Variants in EIF4E2 observed in about 807,000 individuals in gnomAD.
EIF4E2 encodes the protein eukaryotic translation initiation factor 4E family member 2, also known as eukaryotic translation initiation factor 4E type 2.
EIF4E2 carries 13 observed loss-of-function variants against 34.2 expected under a neutral mutation model. That is an observed-to-expected ratio of 0.38 (90% confidence interval 0.25 to 0.60). The LOEUF (loss-of-function observed/expected upper bound fraction) is 0.60, where lower values mean the gene tolerates loss of function less well. Among genes scored for constraint, EIF4E2 ranks in the 20% least tolerant of loss-of-function variants. EIF4E2 has a pLI of 0.62. For synonymous variants in EIF4E2, 100 were observed against 106.6 expected (o/e 0.94, Z 0.38); for missense variants, 222 against 315.1 (o/e 0.70, Z 2.24).
At chr2:232,578,064 A>G (rs1315109863) in intron 6 of EIF4E2, among the ~76,000 whole-genome samples, 1 of 152,178 alleles carries the variant, frequency 6.6e-6, no homozygotes, top group East Asian at 1.9e-4. Context: ...CAAATTTGGC[A>G]TCAAGCTGTT....
chr2:232,575,799 A>G lies in EIF4E2; in HGVS notation c.666-5105A>G, dbSNP rs540998864. On this transcript the variant is annotated intron_variant, in intron 6 of 6. Transcript: ENST00000409098. Reference sequence around the variant, plus strand: ...GTTAAATTTTCAGAAGCCAGGTGCTATAATGGAGCTGTTTTTAAAATACTA... The same window carrying G: ...GTTAAATTTTCAGAAGCCAGGTGCTGTAATGGAGCTGTTTTTAAAATACTA... Among the ~76,000 whole-genome samples the G allele has an allele frequency of 1.7e-4, 26 of 152,372 alleles. 1 individual carries two copies. Among genetic ancestry groups the G allele is most frequent in the African/African-American group, 6.0e-4 (25 of 41,588 alleles).
At chr2:232,560,434 T>A (rs1033053295) in intron 3 of EIF4E2, among the ~76,000 whole-genome samples, 2 of 152,234 alleles carry the variant, frequency 1.3e-5, no homozygotes, top group South Asian at 4.1e-4. Context: ...TGACCTTAGG[T>A]TAGGCAAAGC....
chr2:232,567,398 A>G, intron 6 of EIF4E2, 184 bp downstream of exon 6: 2 of 1,416,546 alleles, frequency 1.4e-6, no homozygotes, highest in Non-Finnish European at 1.8e-6. Flanking sequence ...CCTGCCACCT[A>G]TACTACCAGG....
chr2:232,567,127 C>T lies in EIF4E2; in HGVS notation c.578C>T (p.Thr193Ile). Residue 193 changes from threonine to isoleucine, a missense_variant, in exon 6 of 7, where the codon ACA becomes ATA. Thr to Ile is a moderately conservative substitution (Grantham distance 89). Coordinates refer to ENST00000258416, the MANE Select transcript of EIF4E2 (RefSeq NM_004846.4). ...WNKTASDQAT[T>I]ARIRDTLRRV... Reference sequence around the variant, plus strand: ...AAGACTGCCAGTGACCAAGCAACCACAGCCCGAATCCGGGACACACTTCGG... The same window carrying T: ...AAGACTGCCAGTGACCAAGCAACCATAGCCCGAATCCGGGACACACTTCGG... The T allele has an allele frequency of 6.2e-7, 1 of 1,614,248 alleles. No individual in the cohort carries two copies. The highest frequency in any genetic ancestry group is 8.5e-7 in the Non-Finnish European group (1 of 1,180,046).
chr2:232,565,833 C>T (rs1692904671), intron 4 of EIF4E2, among the ~76,000 whole-genome samples: 1 of 151,694 alleles, frequency 6.6e-6, no homozygotes, highest in African/African-American at 2.4e-5. Context: ...GTGGCTCACT[C>T]CTGTAATCCC....
At chr2:232,579,161 CACACA>C (rs1693288161) in intron 6 of EIF4E2, among the ~76,000 whole-genome samples, 1 of 129,944 alleles carries the variant, frequency 7.7e-6, no homozygotes, top group African/African-American at 3.0e-5. Flanking sequence ...CACACACACA[CACACA>C]CCAGTTATGC....
At chr2:232,551,729 A>G (rs1353075617) in intron 1 of EIF4E2, among the ~76,000 whole-genome samples, 1 of 152,218 alleles carries the variant, frequency 6.6e-6, no homozygotes, top group Non-Finnish European at 1.5e-5. Context: ...ATAAACGTAA[A>G]GTGGAATTAC....
intron 5 of EIF4E2, 38 bp from the exon 6 acceptor site, chr2:232,567,040 C>G: frequency 6.2e-7 from 1 of 1,604,326 alleles, no homozygotes; most frequent in East Asian, 2.2e-5. Flanking sequence ...CTCGCTGCCC[C>G]TGATTTGCTT....
At chr2:232,564,796 T>G (rs1174047140) in intron 4 of EIF4E2, among the ~76,000 whole-genome samples, 2 of 152,204 alleles carry the variant, frequency 1.3e-5, no homozygotes, top group Admixed American at 1.3e-4. Flanking sequence ...CACTCTCCAG[T>G]ATATCCTTGG....
rs376551025 is a variant in EIF4E2, at chr2:232,567,261, A to C, written c.665+47A>C. On this transcript the variant is annotated intron_variant, in intron 6 of 6. Coordinates refer to ENST00000258416, the MANE Select transcript of EIF4E2 (RefSeq NM_004846.4). ...GAGGACGTGTCCCTAAGCTTAGTAT[A>C]AGTAGATCTGTAGTTGGGCCCAGAG... 1.9e-6 allele frequency: 3 copies of C among 1,610,666 alleles called. No homozygotes were observed. The African/African-American group carries it at 4.0e-5, about 22-fold the overall frequency.
chr2:232,574,338 C>G (rs1394208723), intron 6 of EIF4E2: 2 of 1,550,554 alleles, frequency 1.3e-6, no homozygotes, highest in South Asian at 2.4e-5. Flanking sequence ...CTCTCACACT[C>G]AGGGTAGGGC....
rs1437872492 is a variant in EIF4E2, at chr2:232,564,535, C to T, written c.375+184C>T. ...GCGCGATCTCGGCTCACTGCAAGCT[C>T]CGCCTCCCAGGTTCACGCCATTCTC... On this transcript the variant is annotated intron_variant, in intron 4 of 6. Transcript: ENST00000258416. Among the ~76,000 whole-genome samples the T allele has an allele frequency of 3.3e-5, 5 of 152,248 alleles. 1 individual carries two copies. The East Asian group carries it at 9.6e-4, about 29-fold the overall frequency.
chr2:232,570,738 A>T (rs1216890879), downstream of EIF4E2, among the ~76,000 whole-genome samples: 1 of 152,144 alleles, frequency 6.6e-6, no homozygotes, highest in Non-Finnish European at 1.5e-5. Context: ...AGGTCAGGAG[A>T]CCAGCCTGGC....
rs570146606 is a variant in EIF4E2 at position 232,561,214 on chromosome 2, G to A, written c.271-3033G>A. Among the ~76,000 whole-genome samples, 4 of 151,844 alleles carry A rather than the reference G, an allele frequency of 2.6e-5. No homozygotes were observed. In the East Asian group the frequency reaches 7.8e-4, roughly 29 times the overall value. ...TTCGGGAGGCCAAGGTGGGAGGATC[G>A]CTTGAAGCCAGGAGTTCAAAACCAG... On this transcript the variant is annotated intron_variant, in intron 3 of 6. Transcript: ENST00000258416.
At chr2:232,564,519 C>T (rs1004500748) in intron 4 of EIF4E2, among the ~76,000 whole-genome samples, 168 bp downstream of exon 4, 10 of 152,236 alleles carry the variant, frequency 6.6e-5, no homozygotes, top group Admixed American at 4.6e-4. Flanking sequence ...GGCGCGATCT[C>T]GGCTCACTGC....
chr2:232,574,095 CG>C, downstream of EIF4E2: 1 of 755,130 alleles, frequency 1.3e-6, no homozygotes, highest in Non-Finnish European at 2.4e-6. Context: ...CTCTGCTCCT[CG>C]GAAAGGAAAG....
intron 6 of EIF4E2, among the ~76,000 whole-genome samples, chr2:232,580,606 A>G (rs763459691): frequency 6.6e-6 from 1 of 152,182 alleles, no homozygotes; most frequent in Non-Finnish European, 1.5e-5. Context: ...AGTAGTAGAG[A>G]GCTTCCTTGT....
chr2:232,579,712 G>A (rs542425816), intron 6 of EIF4E2, among the ~76,000 whole-genome samples: 2 of 152,248 alleles, frequency 1.3e-5, no homozygotes, highest in East Asian at 1.9e-4. Flanking sequence ...TGTAATCCCA[G>A]CATTTTGGGA....
chr2:232,574,181 G>A (rs1693156207), downstream of EIF4E2: 26 of 1,375,824 alleles, frequency 1.9e-5, no homozygotes, highest in Non-Finnish European at 2.5e-5. Context: ...GAAGGGGGAT[G>A]TGGGGTTATT....
Sources: gnomAD v4.1 joint callset for allele counts (sites outside exome capture counted in the v4.1 genomes callset) on GRCh38, gnomAD v4.1.1 for gene constraint, MANE v1.5 for transcripts, NCBI Gene and HGNC (gene_info 2026-07-23, HGNC 2026-07-21) for gene names.